OTP: variants seen among roughly 807,000 people sequenced by gnomAD.
The protein encoded by OTP is homeobox protein orthopedia.
A neutral mutation model predicts 22.3 loss-of-function variants in OTP; 5 were observed. The ratio of observed to expected loss-of-function variants is 0.22; its 90% CI spans 0.12 to 0.47. The LOEUF (loss-of-function observed/expected upper bound fraction) is 0.47, where lower values mean the gene tolerates loss of function less well. Among genes scored for constraint, OTP ranks in the 20% least tolerant of loss-of-function variants. OTP has a pLI of 0.99. For missense variants in OTP, 428 were observed against 456.2 expected (o/e 0.94, Z 0.56); for synonymous variants, 229 against 210.6 (o/e 1.09, Z -0.76).
In OTP at chr5:77,630,453, C is replaced by T; in HGVS notation, c.789G>A (p.Gly263=). ...SNSLAGSNGA[G]LQSHLYQPAF... ...CGGGCTGGTAGAGGTGCGACTGCAG[C>T]CCCGCGCCGTTGGAACCCGCCAGGC... Residue 263 remains glycine (G), a synonymous_variant, in exon 3 of 3, where the codon GGG becomes GGA. Transcript: ENST00000306422. The T allele has an allele frequency of 1.3e-6, 2 of 1,583,758 alleles. No individual in the cohort carries two copies. Among genetic ancestry groups the T allele is most frequent in the Non-Finnish European group, 1.7e-6 (2 of 1,166,832 alleles).
Position 77,629,556 on chromosome 5 carries a change from G to C in OTP, c.*708C>G, listed in dbSNP as rs1234449137. ...TATCAGTTGGGCCCTCAGATGAGGC[G>C]GTTGGTAGCAATGCTTGTCCTCCTT... On this transcript the variant is annotated 3_prime_UTR_variant, in exon 3 of 3. Coordinates refer to ENST00000306422, the MANE Select transcript of OTP (RefSeq NM_032109.3). The C allele has an allele frequency of 6.5e-6, 1 of 152,696 alleles. No individual in the cohort carries two copies. The highest frequency in any genetic ancestry group is 2.4e-5 in the African/African-American group (1 of 41,444). The allele number at this position is 152,696 out of a possible 1,614,324, so 9.5% of individuals were successfully genotyped here. A position where few individuals can be genotyped will look rare whatever the true frequency, so the allele number is the denominator to read the frequency against.
At chr5:77,630,921 T>C in intron 2 of OTP, 127 bp from the exon 3 acceptor site, 1 of 1,101,860 alleles carries the variant, frequency 9.1e-7, no homozygotes, top group Non-Finnish European at 1.2e-6. Flanking sequence ...ACAAGTGCCG[T>C]AGGCCCGACA....
Position 77,630,645 on chromosome 5 carries a change from C to G in OTP, c.597G>C (p.Leu199=). The G allele has an allele frequency of 1.3e-6, 2 of 1,573,438 alleles. No individual in the cohort carries two copies. The highest frequency in any genetic ancestry group is 1.7e-6 in the Non-Finnish European group (2 of 1,167,338). ...GGGTGTCGTTGGCGTGGAAAGAGCA[C>G]AGGCTGTCGCCCATGGCGGCGGCAG... ...AAAAAAMGDS[L]CSFHANDTRW... Residue 199 remains leucine (L), a synonymous_variant, in exon 3 of 3, where the codon CTG becomes CTC. Transcript: ENST00000306422.
At chr5:77,634,585 T>C (rs900482545) in intron 2 of OTP, among the ~76,000 whole-genome samples, 1 of 152,176 alleles carries the variant, frequency 6.6e-6, no homozygotes, top group African/African-American at 2.4e-5. Flanking sequence ...CTGTTAACTA[T>C]AAAGAAAACT....
intron 2 of OTP, among the ~76,000 whole-genome samples, chr5:77,634,304 A>G (rs1744976058): frequency 6.6e-6 from 1 of 152,242 alleles, no homozygotes; most frequent in Non-Finnish European, 1.5e-5. Context: ...GGTTTCTAAT[A>G]ATGGCATGCT....
chr5:77,634,044 A>G (rs1246881207), intron 2 of OTP, among the ~76,000 whole-genome samples: 2 of 152,220 alleles, frequency 1.3e-5, no homozygotes, highest in Non-Finnish European at 2.9e-5. Flanking sequence ...TGACAGGGCC[A>G]TTCTGGGGGA....
intron 1 of OTP, 70 bp from the exon 2 acceptor site, chr5:77,637,300 G>T: frequency 6.9e-7 from 1 of 1,442,794 alleles, no homozygotes; most frequent in African/African-American, 1.4e-5. Context: ...TCCCCGCGCA[G>T]CCTTCCTTCA....
Position 77,630,771 on chromosome 5 carries a change from G to A in OTP, c.471C>T (p.Ala157=). Residue 157 remains alanine (A), a synonymous_variant, in exon 3 of 3, where the codon GCC becomes GCT. Transcript: ENST00000306422. ...RVQVWFQNRR[A]KWKKRKKTTN... ...TCGTCTTTTTGCGCTTCTTCCACTT[G>A]GCGCGTCGGTTCTGGAACCAGACCT... is the stretch of plus-strand genomic sequence containing the variant. 6.4e-7 allele frequency: 1 copy of A among 1,571,740 alleles called. No individual in the cohort carries two copies.
intron 1 of OTP, among the ~76,000 whole-genome samples, chr5:77,637,731 C>T (rs1477624154): frequency 6.6e-6 from 1 of 152,176 alleles, no homozygotes; most frequent in Non-Finnish European, 1.5e-5. Context: ...TTTCACCCCC[C>T]GAAATCAACC....
intron 2 of OTP, among the ~76,000 whole-genome samples, chr5:77,634,153 G>A (rs1744973429): frequency 6.6e-6 from 1 of 152,212 alleles, no homozygotes; most frequent in Non-Finnish European, 1.5e-5. Flanking sequence ...TGGTTTTTAT[G>A]TAAATAAAAT....
chr5:77,632,279 A>G (rs1744942697), intron 2 of OTP, among the ~76,000 whole-genome samples: 1 of 151,920 alleles, frequency 6.6e-6, no homozygotes, highest in Non-Finnish European at 1.5e-5. Flanking sequence ...TTTAAATGAC[A>G]ATAATAATAA....
chr5:77,632,660 T>G (rs1744949432), intron 2 of OTP, among the ~76,000 whole-genome samples: 1 of 152,192 alleles, frequency 6.6e-6, no homozygotes, highest in African/African-American at 2.4e-5. Flanking sequence ...GGCCCTCGCC[T>G]TTCTACCGTG....
chr5:77,638,684 G>T lies in OTP; in HGVS notation c.-135C>A. 1.3e-6 allele frequency: 1 copy of T among 783,028 alleles called. No homozygotes were observed. Among genetic ancestry groups the T allele is most frequent in the Non-Finnish European group, 1.9e-6 (1 of 526,270 alleles). 48.5% of individuals were successfully genotyped at this position (783,028 alleles called of 1,614,324 possible). A position where few individuals can be genotyped will look rare whatever the true frequency, so the allele number is the denominator to read the frequency against. ...CTAAATGAAAGAAAATTCGGTTTGT[G>T]GTTAAAAAGGGGGCTTCTTGCATTA... On this transcript the variant is annotated 5_prime_UTR_variant, in exon 1 of 3. Transcript: ENST00000306422.
In OTP at chr5:77,630,346, C is replaced by A; in HGVS notation, c.896G>T (p.Ser299Ile). 2 of 1,572,190 alleles carry A rather than the reference C, an allele frequency of 1.3e-6. No homozygotes were observed. The highest frequency in any genetic ancestry group is 1.2e-5 in the South Asian group (1 of 86,268). The change falls in exon 3 of 3, where the codon AGC becomes ATC. Residue 299 changes from serine to isoleucine, a missense_variant. Physicochemically the swap from Ser to Ile is moderately radical, Grantham distance 142. Transcript: ENST00000306422. ...GCTGGTGCCCCGCCACACGTCGCTGCTGTCCGGGGAGCTGCAGAGCTGGGG... is the reference window on the plus strand; with the variant it reads ...GCTGGTGCCCCGCCACACGTCGCTGATGTCCGGGGAGCTGCAGAGCTGGGG... ...GSPQLCSSPD[S>I]SDVWRGTSIA...
At chr5:77,637,463 C>G (rs923367234) in intron 1 of OTP, among the ~76,000 whole-genome samples, 1 of 152,230 alleles carries the variant, frequency 6.6e-6, no homozygotes, top group Non-Finnish European at 1.5e-5. Flanking sequence ...GTAAACAGCA[C>G]AAGCTTTCGT....
rs1744901626 is a variant in OTP at position 77,630,162 on chromosome 5, G to A, written c.*102C>T. The A allele has an allele frequency of 3.2e-6, 2 of 623,402 alleles. No homozygotes were observed. Among genetic ancestry groups the A allele is most frequent in the Non-Finnish European group, 4.5e-6 (2 of 446,062 alleles). The allele number at this position is 623,402 out of a possible 1,614,324, so 38.6% of individuals were successfully genotyped here. A position where few individuals can be genotyped will look rare whatever the true frequency, so the allele number is the denominator to read the frequency against. On this transcript the variant is annotated 3_prime_UTR_variant, in exon 3 of 3. Coordinates refer to ENST00000306422, the MANE Select transcript of OTP (RefSeq NM_032109.3). ...GAAACGAGACGGGGCGAAGGCCGGG[G>A]CGGGACGGGGCAGGGCGCCGGGGTC... is the stretch of plus-strand genomic sequence containing the variant.
rs1455222938 is a variant in OTP, at chr5:77,630,733, C to T, written c.509G>A (p.Arg170His). ...KKRKKTTNVF[R>H]APGTLLPTPG... Reference sequence around the variant, plus strand: ...CGTGGGCAGCAGTGTGCCGGGCGCACGGAACACGTTGGTCGTCTTTTTGCG... The same window carrying T: ...CGTGGGCAGCAGTGTGCCGGGCGCATGGAACACGTTGGTCGTCTTTTTGCG... The change falls in exon 3 of 3, where the codon CGT (arginine) becomes CAT (histidine). Residue 170 changes from arginine (R) to histidine (H), a missense_variant. Physicochemically the swap from Arg to His is conservative, Grantham distance 29 (BLOSUM62 0). This residue lies in a region of OTP where 236 missense variants were observed against 238.1 expected (regional missense o/e 0.99). Coordinates refer to ENST00000306422, the MANE Select transcript of OTP (RefSeq NM_032109.3). 2 of 1,584,090 alleles carry T rather than the reference C, an allele frequency of 1.3e-6. No homozygotes were observed. The highest frequency in any genetic ancestry group is 1.7e-6 in the Non-Finnish European group (2 of 1,174,024).
rs1215196253 is a variant in OTP at position 77,630,422 on chromosome 5, G to A, written c.820C>T (p.Pro274Ser). The change falls in exon 3 of 3, where the codon CCC becomes TCC. Residue 274 changes from proline (P) to serine (S), a missense_variant. By Grantham distance (74) the Pro-to-Ser change is moderately conservative. Transcript: ENST00000306422. Reference protein sequence around the residue: ...LQSHLYQPAFPGMVPASLPGP... With the variant: ...LQSHLYQPAFSGMVPASLPGP... ...GGGAGGGAGGCGGGCACCATGCCGGGGAAGGCGGGCTGGTAGAGGTGCGAC... is the reference window on the plus strand; with the variant it reads ...GGGAGGGAGGCGGGCACCATGCCGGAGAAGGCGGGCTGGTAGAGGTGCGAC... 6.3e-7 allele frequency: 1 copy of A among 1,581,784 alleles called. No individual in the cohort carries two copies.
rs1325388733 is a variant in OTP, at chr5:77,638,595, G to A, written c.-46C>T. The stretch of plus-strand genomic sequence containing the variant: ...AAGCTGTTCCCCCCCAAATTTTAGC[G>A]GCTTTAAGTTATTTAAAATAGATAT... On this transcript the variant is annotated 5_prime_UTR_variant, in exon 1 of 3. Transcript: ENST00000306422. 5.9e-6 allele frequency: 9 copies of A among 1,517,162 alleles called. No individual in the cohort carries two copies. Among genetic ancestry groups the A allele is most frequent in the Non-Finnish European group, 8.8e-7 (1 of 1,134,370 alleles). The allele number at this position is 1,517,162 out of a possible 1,614,324, so 94.0% of individuals were successfully genotyped here.
Sources: allele counts gnomAD v4.1 joint callset (sites outside exome capture counted in the v4.1 genomes callset), GRCh38; gene constraint gnomAD v4.1.1; regional missense constraint gnomAD v4.1.1; transcripts MANE v1.5; gene names NCBI Gene and HGNC (gene_info 2026-07-23, HGNC 2026-07-21).